BOD1L1: variants seen among roughly 807,000 people sequenced by gnomAD.
BOD1L1 encodes biorientation of chromosomes in cell division protein 1-like 1.
In BOD1L1, 86 loss-of-function variants were observed where a neutral mutation model predicts 240.7. The observed-to-expected ratio is 0.36, with a 90% CI of 0.30 to 0.43. The LOEUF is 0.43. Ranked by LOEUF, BOD1L1 falls within the 20% of genes least tolerant of loss-of-function variation. BOD1L1 has a pLI of 1.00. For synonymous variants in BOD1L1, 1,268 were observed against 1,272.3 expected (o/e 1.00, Z 0.07); for missense variants, 3,554 against 3,643.5 (o/e 0.98, Z 0.63).
chr4:13,623,985 T>A (rs1003892991), intron 1 of BOD1L1: 1 of 152,034 alleles, frequency 6.6e-6, no homozygotes, highest in Non-Finnish European at 1.5e-5. Flanking sequence ...TATGTTCTGA[T>A]GAAGAAAACT....
Position 13,600,070 on chromosome 4 carries a change from C to T in BOD1L1, c.6830G>A (p.Gly2277Asp), listed in dbSNP as rs747130800. Residue 2277 changes from glycine to aspartate, a missense_variant, in exon 10 of 26, where the codon GGC (glycine) becomes GAC (aspartate). Coordinates refer to ENST00000040738, the MANE Select transcript of BOD1L1 (RefSeq NM_148894.3). ...TTCCGCTGGTGTGACTGAGGGGTCG[C>T]CTTCCTCTTGAGGGACAGCACTGGA... Reference protein sequence around the residue: ...PVSSAVPQEEGDPSVTPAEEM... With the variant: ...PVSSAVPQEEDDPSVTPAEEM... 2.5e-6 allele frequency: 4 copies of T among 1,613,126 alleles called. No individual in the cohort carries two copies. The African/African-American group carries it at 5.3e-5, about 22-fold the overall frequency.
intron 21 of BOD1L1, 162 bp from the exon 22 acceptor site, chr4:13,580,135 G>A (rs1713109203): frequency 1.7e-6 from 1 of 574,894 alleles, no homozygotes; most frequent in Non-Finnish European, 3.0e-6. Flanking sequence ...AGCAAACATG[G>A]ATGCCTGAGC....
chr4:13,621,317 T>C (rs1250392556), intron 1 of BOD1L1, among the ~76,000 whole-genome samples: 1 of 152,232 alleles, frequency 6.6e-6, no homozygotes, highest in Non-Finnish European at 1.5e-5. Flanking sequence ...AAGCACTGTA[T>C]AGCCTCACCT....
In BOD1L1 at chr4:13,601,163, C is replaced by T; in HGVS notation, c.5737G>A (p.Glu1913Lys). ...GCTCCAGCCTCAGCTTCCACATGCT[C>T]TACCACAGTACCAATCTGACTGTCC... Reference protein sequence around the residue: ...EGDSQIGTVVEHVEAEAGAAI... With the variant: ...EGDSQIGTVVKHVEAEAGAAI... Residue 1913 changes from glutamate to lysine, a missense_variant, in exon 10 of 26, where the codon GAG (glutamate) becomes AAG (lysine). Physicochemically the swap from Glu to Lys is moderately conservative, Grantham distance 56. Transcript: ENST00000040738. 2 of 1,614,020 alleles carry T rather than the reference C, an allele frequency of 1.2e-6. No homozygotes were observed. Among genetic ancestry groups the T allele is most frequent in the Non-Finnish European group, 1.7e-6 (2 of 1,179,898 alleles).
intron 14 of BOD1L1, 67 bp downstream of exon 14, chr4:13,590,319 T>C (rs781507332): frequency 3.5e-6 from 3 of 855,468 alleles, no homozygotes; most frequent in Non-Finnish European, 5.4e-6. Context: ...AGGCCTGGTA[T>C]ACAGACCACA....
In BOD1L1 at chr4:13,621,958, G is replaced by A. The variant is rs182454375; in HGVS notation, c.244-1891C>T. On this transcript the variant is annotated intron_variant, in intron 1 of 25. Coordinates refer to ENST00000040738, the MANE Select transcript of BOD1L1 (RefSeq NM_148894.3). The stretch of plus-strand genomic sequence containing the variant: ...CGGCTCACTGGAACCTCCACCTGCC[G>A]GGTTCCAGTGATTCTAGTGCCTCAG... 3.6e-4 allele frequency among the ~76,000 whole-genome samples: 53 copies of A among 147,840 alleles called. No homozygotes were observed. The East Asian group carries it at 5.1e-3, about 14-fold the overall frequency.
In BOD1L1 at chr4:13,602,449, G is replaced by A; in HGVS notation, c.4451C>T (p.Thr1484Ile). Residue 1484 changes from threonine (T) to isoleucine (I), a missense_variant, in exon 10 of 26, where the codon ACC becomes ATC. By Grantham distance (89) the Thr-to-Ile change is moderately conservative. Coordinates refer to ENST00000040738, the MANE Select transcript of BOD1L1 (RefSeq NM_148894.3). ...GGGTGCAGAGCCACTTCCAGCACTG[G>A]TGTCTACCTCACTGTTTTCATTCCT... ...ERRNENSEVDTSAGSGSAPSV... is the reference protein window; with the variant it reads ...ERRNENSEVDISAGSGSAPSV... 6.2e-7 allele frequency: 1 copy of A among 1,613,976 alleles called. No homozygotes were observed. The highest frequency in any genetic ancestry group is 8.5e-7 in the Non-Finnish European group (1 of 1,179,888).
At position 13,600,748 on chromosome 4, in the gene BOD1L1, G is replaced by A. The variant is rs1715069055; in HGVS notation, c.6152C>T (p.Ala2051Val). ...EECDGLMATT[A>V]SGDITNQNSL... is the part of the protein sequence containing the mutation. The stretch of plus-strand genomic sequence containing the variant: ...ATTCTGGTTGGTAATATCACCACTG[G>A]CTGTAGTTGCCATGAGACCATCACA... The change falls in exon 10 of 26, where the codon GCC (alanine) becomes GTC (valine). Residue 2051 changes from alanine (A) to valine (V), a missense_variant. Physicochemically the swap from Ala to Val is moderately conservative, Grantham distance 64. Around this residue, in one of 2 missense-constraint regions of BOD1L1, gnomAD observed 3,393 missense variants for 3,427.1 expected, o/e 0.99. Coordinates refer to ENST00000040738, the MANE Select transcript of BOD1L1 (RefSeq NM_148894.3). 2.5e-6 allele frequency: 4 copies of A among 1,613,912 alleles called. No individual in the cohort carries two copies. The highest frequency in any genetic ancestry group is 1.3e-5 in the African/African-American group (1 of 75,008).
Position 13,601,450 on chromosome 4 carries a change from G to A in BOD1L1, c.5450C>T (p.Ala1817Val), listed in dbSNP as rs766546726. 15 of 1,613,862 alleles carry A rather than the reference G, an allele frequency of 9.3e-6. No individual in the cohort carries two copies. In the South Asian group the frequency reaches 1.4e-4, roughly 15 times the overall value. Residue 1817 changes from alanine to valine, a missense_variant, in exon 10 of 26, where the codon GCT becomes GTT. This residue lies in a region of BOD1L1 where 3,393 missense variants were observed against 3,427.1 expected (regional missense o/e 0.99). Coordinates refer to ENST00000040738, the MANE Select transcript of BOD1L1 (RefSeq NM_148894.3). ...ATTTTCTTCCGATTCAGAACTTATAGCAAAGCCTTCGCTGCTATCTTCTGA... is the reference window on the plus strand; with the variant it reads ...ATTTTCTTCCGATTCAGAACTTATAACAAAGCCTTCGCTGCTATCTTCTGA... ...TGSEDSSEGF[A>V]ISSESEENGE... is the part of the protein sequence containing the mutation.
At chr4:13,577,741 A>G in intron 22 of BOD1L1, 110 bp from the exon 23 acceptor site, 1 of 756,618 alleles carries the variant, frequency 1.3e-6, no homozygotes, top group Non-Finnish European at 2.1e-6. Context: ...ATTGTTATAC[A>G]TTTCATCATT....
intron 9 of BOD1L1, 36 bp from the exon 10 acceptor site, chr4:13,605,120 CA>C: frequency 7.0e-7 from 1 of 1,431,066 alleles, no homozygotes; most frequent in Non-Finnish European, 9.2e-7. Flanking sequence ...TGAGAAATAC[CA>C]AAATCAATTT....
At position 13,598,943 on chromosome 4, in the gene BOD1L1, C is replaced by T. The variant is rs1464265202; in HGVS notation, c.7954+3G>A. On this transcript the variant is annotated splice_donor_region_variant and intron_variant, in intron 10 of 25. Coordinates refer to ENST00000040738, the MANE Select transcript of BOD1L1 (RefSeq NM_148894.3). Reference sequence around the variant, plus strand: ...AAATTTGCAATTAGGTACAGATTCTCACCTATGTCACACACATTTTCTTCA... The same window carrying T: ...AAATTTGCAATTAGGTACAGATTCTTACCTATGTCACACACATTTTCTTCA... The T allele has an allele frequency of 1.3e-6, 2 of 1,596,640 alleles. No individual in the cohort carries two copies. The highest frequency in any genetic ancestry group is 1.3e-5 in the African/African-American group (1 of 74,678).
intron 24 of BOD1L1, 59 bp from the exon 25 acceptor site, chr4:13,577,050 A>G: frequency 6.3e-7 from 1 of 1,577,542 alleles, no homozygotes; most frequent in Admixed American, 1.8e-5. Context: ...CTTCCAAGAG[A>G]GAGAGTCATG....
intron 13 of BOD1L1, among the ~76,000 whole-genome samples, chr4:13,591,184 C>T (rs1312496701): frequency 6.6e-6 from 1 of 152,120 alleles, no homozygotes; most frequent in African/African-American, 2.4e-5. Context: ...GGACTATAGG[C>T]CATGCCACTG....
intron 6 of BOD1L1, among the ~76,000 whole-genome samples, chr4:13,610,352 A>C (rs1004901087): frequency 1.3e-5 from 2 of 152,190 alleles, no homozygotes; most frequent in African/African-American, 4.8e-5. Context: ...CTGGATCTAC[A>C]CTTGATTTAA....
In BOD1L1 at chr4:13,601,710, T is replaced by C. The variant is rs765047171; in HGVS notation, c.5190A>G (p.Thr1730=). 1.9e-6 allele frequency: 3 copies of C among 1,614,040 alleles called. No homozygotes were observed. The highest frequency in any genetic ancestry group is 2.2e-5 in the South Asian group (2 of 91,078). ...AGTTATCACTTCTGCCTTCTGCTCC[T>C]GTACATGTCACAGTGCCCTCTGTTT... ...KKETEGTVTC[T]GAEGRSDNFV... Residue 1730 remains threonine, a synonymous_variant, in exon 10 of 26, where the codon ACA becomes ACG. Coordinates refer to ENST00000040738, the MANE Select transcript of BOD1L1 (RefSeq NM_148894.3).
In BOD1L1 at chr4:13,604,439, G is replaced by A. The variant is rs772980975; in HGVS notation, c.2461C>T (p.Arg821Cys). ...CTCTCTTTTTTGTTGTTTTCTTTAC[G>A]AACATTCTCATCTGTTTTTATAATA... The part of the protein sequence containing the change: ...EYIIKTDENV[R>C]KENNKKERRL... The change falls in exon 10 of 26, where the codon CGT (arginine) becomes TGT (cysteine). Residue 821 changes from arginine (R) to cysteine (C), a missense_variant. By Grantham distance (180) the Arg-to-Cys change is radical. Transcript: ENST00000040738. 15 of 1,566,472 alleles carry A rather than the reference G, an allele frequency of 9.6e-6. 1 individual carries two copies. In the South Asian group the frequency reaches 1.4e-4, roughly 14 times the overall value.
Position 13,608,572 on chromosome 4 carries a change from T to C in BOD1L1, c.1700A>G (p.Glu567Gly), listed in dbSNP as rs1179472863. 4 of 1,545,036 alleles carry C rather than the reference T, an allele frequency of 2.6e-6. No individual in the cohort carries two copies. The highest frequency in any genetic ancestry group is 1.4e-5 in the African/African-American group (1 of 71,890). Residue 567 changes from glutamate to glycine, a missense_variant, in exon 8 of 26, where the codon GAA becomes GGA. Physicochemically the swap from Glu to Gly is moderately conservative, Grantham distance 98. Transcript: ENST00000040738. ...KEVLKERKVL[E>G]KKVALSKKRK... is the part of the protein sequence containing the mutation. Reference sequence around the variant, plus strand: ...CTTTTTGCTTAAGGCTACTTTTTTTTCTAAAACTTTCCGTTCTTTAAGGAC... The same window carrying C: ...CTTTTTGCTTAAGGCTACTTTTTTTCCTAAAACTTTCCGTTCTTTAAGGAC...
At chr4:13,620,555 C>A (rs575888580) in intron 1 of BOD1L1, among the ~76,000 whole-genome samples, 42 of 152,178 alleles carry the variant, frequency 2.8e-4, no homozygotes, top group African/African-American at 9.4e-4. Flanking sequence ...GAAGAGAATA[C>A]AAAAAGCAGA....
Sources: gnomAD v4.1 joint callset for allele counts (sites outside exome capture counted in the v4.1 genomes callset) on GRCh38, gnomAD v4.1.1 for gene constraint, gnomAD v4.1.1 regional missense constraint, MANE v1.5 for transcripts, NCBI Gene and HGNC (gene_info 2026-07-23, HGNC 2026-07-21) for gene names.